Variants in DGKB observed in about 807,000 individuals in gnomAD.
DGKB encodes the protein 90 kDa diacylglycerol kinase.
Under a neutral mutation model 114.3 loss-of-function variants are expected in DGKB, and 67 were observed. That is an observed-to-expected ratio of 0.59 (90% CI 0.48 to 0.72). The LOEUF (loss-of-function observed/expected upper bound fraction) is 0.72, where lower values mean the gene tolerates loss of function less well. Among genes scored for constraint, DGKB ranks in the 30% least tolerant of loss-of-function variants. The probability of loss-of-function intolerance (pLI) is 0.00; values close to 1 mark genes in which losing one functional copy is unlikely to be tolerated. For missense variants in DGKB, 907 were observed against 975.2 expected, an observed-to-expected ratio of 0.93 and a Z score of 0.93; for synonymous variants, 398 against 323.1, an observed-to-expected ratio of 1.23 and a Z score of -2.49.
At chr7:14,908,623 G>T (rs1783830901) in intron 1 of DGKB, among the ~76,000 whole-genome samples, 3 of 151,512 alleles carry the variant, frequency 2.0e-5, no homozygotes, top group Non-Finnish European at 4.4e-5. Context: ...TATTTTTTTT[G>T]GCTGAGTTGG....
chr7:14,357,678 T>C (rs1342307136), intron 21 of DGKB, among the ~76,000 whole-genome samples: 3 of 152,174 alleles, frequency 2.0e-5, no homozygotes, highest in Non-Finnish European at 4.4e-5. Flanking sequence ...GTTGATGCAG[T>C]TTCTTCATAG....
chr7:14,783,837 A>G (rs1439267086), intron 2 of DGKB, among the ~76,000 whole-genome samples: 1 of 152,206 alleles, frequency 6.6e-6, no homozygotes, highest in Non-Finnish European at 1.5e-5. Flanking sequence ...AGAGAATGAA[A>G]GAGATGGGAT....
chr7:14,924,239 C>A (rs1422322105), intron 1 of DGKB, among the ~76,000 whole-genome samples: 1 of 152,032 alleles, frequency 6.6e-6, no homozygotes, highest in African/African-American at 2.4e-5. Context: ...TTTCTCTGGG[C>A]AGTTTGAAGC....
At chr7:14,693,706 A>G (rs2128994487) in intron 9 of DGKB, among the ~76,000 whole-genome samples, 1 of 152,150 alleles carries the variant, frequency 6.6e-6, no homozygotes, top group Non-Finnish European at 1.5e-5. Context: ...AGGTAGGAGG[A>G]ACATTGAAAT....
At chr7:14,853,812 G>A (rs1161674045) in intron 1 of DGKB, among the ~76,000 whole-genome samples, 2 of 144,368 alleles carry the variant, frequency 1.4e-5, no homozygotes, top group African/African-American at 5.1e-5. Flanking sequence ...AGCTTGCAGT[G>A]AGCCGAGATT....
intron 23 of DGKB, among the ~76,000 whole-genome samples, chr7:14,261,820 T>C (rs1796820950): frequency 6.6e-6 from 1 of 152,194 alleles, no homozygotes; most frequent in Admixed American, 6.6e-5. Context: ...CTTTTACGAC[T>C]AGACACAATA....
chr7:14,507,937 T>C (rs1383920817), intron 20 of DGKB, among the ~76,000 whole-genome samples: 1 of 152,188 alleles, frequency 6.6e-6, no homozygotes, highest in African/African-American at 2.4e-5. Flanking sequence ...TCAACAATAA[T>C]CTAGCACTGA....
At chr7:14,762,196 T>A (rs2128456474) in intron 2 of DGKB, among the ~76,000 whole-genome samples, 1 of 152,264 alleles carries the variant, frequency 6.6e-6, no homozygotes, top group Non-Finnish European at 1.5e-5. Flanking sequence ...CGGGAGGTGT[T>A]TTATTAAGCA....
intron 20 of DGKB, among the ~76,000 whole-genome samples, chr7:14,538,277 A>T (rs1792865345): frequency 6.6e-6 from 1 of 152,054 alleles, no homozygotes; most frequent in African/African-American, 2.4e-5. Flanking sequence ...AAAACAAAAC[A>T]AAATAAACAA....
At chr7:14,858,452 T>C (rs1222805649) in intron 1 of DGKB, among the ~76,000 whole-genome samples, 1 of 152,052 alleles carries the variant, frequency 6.6e-6, no homozygotes, top group African/African-American at 2.4e-5. Context: ...CAGAAAAATA[T>C]GAATATATGA....
chr7:14,178,773 A>G (rs575249319), intron 23 of DGKB, among the ~76,000 whole-genome samples: 1 of 152,168 alleles, frequency 6.6e-6, no homozygotes. Context: ...ACTGTTTGGT[A>G]GTATACTAGA....
At chr7:14,385,566 TTTA>T (rs1820200117) in intron 21 of DGKB, among the ~76,000 whole-genome samples, 1 of 152,162 alleles carries the variant, frequency 6.6e-6, no homozygotes, top group Non-Finnish European at 1.5e-5. Context: ...TTTTACAGAG[TTTA>T]ACAAGTTCAA....
chr7:14,351,708 G>A (rs1813467800), intron 21 of DGKB, among the ~76,000 whole-genome samples: 1 of 152,050 alleles, frequency 6.6e-6, no homozygotes. Flanking sequence ...TAAAAATTAT[G>A]GTATCAAATT....
At chr7:14,285,210 C>T (rs1046111378) in intron 23 of DGKB, among the ~76,000 whole-genome samples, 2 of 152,016 alleles carry the variant, frequency 1.3e-5, no homozygotes, top group Non-Finnish European at 2.9e-5. Context: ...TATACTCTGC[C>T]CTAGCAGGGC....
intron 23 of DGKB, among the ~76,000 whole-genome samples, chr7:14,303,855 A>G (rs1158540446): frequency 2.0e-5 from 3 of 152,112 alleles, no homozygotes; most frequent in Non-Finnish European, 4.4e-5. Context: ...CTTTGCTTGC[A>G]TTTATCGCCA....
intron 1 of DGKB, among the ~76,000 whole-genome samples, chr7:14,941,116 G>A (rs896319137): frequency 6.6e-6 from 1 of 151,942 alleles, no homozygotes; most frequent in East Asian, 1.9e-4. Context: ...TATATGAGAT[G>A]AATTACTTAT....
At chr7:14,555,308 T>C (rs1283659470) in intron 20 of DGKB, among the ~76,000 whole-genome samples, 1 of 152,206 alleles carries the variant, frequency 6.6e-6, no homozygotes, top group African/African-American at 2.4e-5. Flanking sequence ...TTCAATTCTA[T>C]TAATCTATTT....
intron 2 of DGKB, among the ~76,000 whole-genome samples, chr7:14,810,711 C>T (rs533476822): frequency 3.3e-5 from 5 of 150,998 alleles, no homozygotes; most frequent in Admixed American, 1.3e-4. Flanking sequence ...CAGGCTCAAG[C>T]GATTCGTGTG....
intron 17 of DGKB, among the ~76,000 whole-genome samples, chr7:14,595,339 C>T (rs1340790228): frequency 6.6e-6 from 1 of 151,894 alleles, no homozygotes; most frequent in Non-Finnish European, 1.5e-5. Flanking sequence ...AGAATAAAAA[C>T]AGTGTGTAAA....
Sources: allele counts gnomAD v4.1 joint callset (sites outside exome capture counted in the v4.1 genomes callset), GRCh38; gene constraint gnomAD v4.1.1; transcripts MANE v1.5; gene names NCBI Gene and HGNC (gene_info 2026-07-23, HGNC 2026-07-21).